The following CSMD1 variants were observed in gnomAD, a reference collection of about 807,000 sequenced individuals.
CSMD1 encodes CUB and Sushi multiple domains 1, also known as CUB and sushi domain-containing protein 1.
A neutral mutation model predicts 417.5 loss-of-function variants in CSMD1; 213 were observed. The observed-to-expected ratio is 0.51, with a 90% CI of 0.46 to 0.57. The LOEUF is 0.57. Ranked by LOEUF, CSMD1 falls within the 20% of genes least tolerant of loss-of-function variation. The pLI, the probability that CSMD1 is intolerant of heterozygous loss-of-function variation, is 0.00. For missense variants in CSMD1, 6,923 were observed against 4,529.7 expected (o/e 1.53, Z -15.17); for synonymous variants, 2,862 against 1,736.8 (o/e 1.65, Z -16.11).
chr8:3,800,532 G>A (rs896059837), intron 5 of CSMD1, among the ~76,000 whole-genome samples: 6 of 152,100 alleles, frequency 3.9e-5, no homozygotes, highest in African/African-American at 1.4e-4. Context: ...TCTCAAAGGA[G>A]ATCATAGAGG....
intron 2 of CSMD1, among the ~76,000 whole-genome samples, chr8:4,636,205 T>G (rs1394531425): frequency 6.6e-6 from 1 of 152,148 alleles, no homozygotes; most frequent in Non-Finnish European, 1.5e-5. Flanking sequence ...TTAATTTTGT[T>G]AGGAAAATCT....
chr8:4,355,951 A>G (rs1584948971), intron 3 of CSMD1, among the ~76,000 whole-genome samples: 1 of 151,952 alleles, frequency 6.6e-6, no homozygotes, highest in African/African-American at 2.4e-5. Context: ...GTAGAATTGC[A>G]TTTTTTTATG....
chr8:3,439,310 T>TATATATA (rs1491240170), intron 12 of CSMD1, among the ~76,000 whole-genome samples: 13 of 20,096 alleles, frequency 6.5e-4, no homozygotes, highest in South Asian at 2.0e-3. Flanking sequence ...TATATATATA[T>TATATATA]TTTTTTTTTT....
At position 3,735,640 on chromosome 8, in the gene CSMD1, G is replaced by GC. The variant is rs1563324338; in HGVS notation, c.931+18289dup. Among the ~76,000 whole-genome samples, 3 of 152,250 alleles carry GC rather than the reference G, an allele frequency of 2.0e-5. No homozygotes were observed. In the South Asian group the frequency reaches 6.2e-4, roughly 32 times the overall value. ...CACAGGTAAGTCTGAATCTCTTGGT[G>GC]CCCTGGTTCACTCGGCTGAGAAATG... On this transcript the variant is annotated intron_variant, in intron 6 of 69. Transcript: ENST00000635120.
At chr8:4,955,868 C>T (rs1585403347) in intron 1 of CSMD1, among the ~76,000 whole-genome samples, 1 of 147,094 alleles carries the variant, frequency 6.8e-6, no homozygotes, top group Non-Finnish European at 1.5e-5. Flanking sequence ...GTATCTTTCC[C>T]CTCTAGAAAG....
At chr8:4,096,252 C>T (rs1246372110) in intron 3 of CSMD1, among the ~76,000 whole-genome samples, 2 of 152,050 alleles carry the variant, frequency 1.3e-5, no homozygotes, top group East Asian at 1.9e-4. Flanking sequence ...ACTTTCCCTG[C>T]TAGCTCTTGA....
At chr8:4,751,495 G>C (rs990479121) in intron 1 of CSMD1, among the ~76,000 whole-genome samples, 6 of 152,120 alleles carry the variant, frequency 3.9e-5, no homozygotes, top group African/African-American at 1.2e-4. Flanking sequence ...TGGATTTTGT[G>C]GAATCATGAG....
Position 4,592,753 on chromosome 8 carries a change from G to A in CSMD1, c.302+44589C>T, listed in dbSNP as rs138417992. Among the ~76,000 whole-genome samples the A allele has an allele frequency of 5.9e-3, 900 of 152,004 alleles. 53 individuals carry two copies. The East Asian group carries it at 0.14, about 23-fold the overall frequency. ...AAATGTGTGCTAAATTTTTATCTAC[G>A]AATTTTAATATTTATACTTAGTTAA... On this transcript the variant is annotated intron_variant, in intron 2 of 69. Coordinates refer to ENST00000635120, the MANE Select transcript of CSMD1 (RefSeq NM_033225.6).
intron 3 of CSMD1, among the ~76,000 whole-genome samples, chr8:4,079,287 C>G (rs1157235480): frequency 2.0e-5 from 3 of 152,094 alleles, no homozygotes; most frequent in African/African-American, 4.8e-5. Flanking sequence ...AAGTACTGTA[C>G]CATGAGCAGA....
At chr8:3,360,914 C>A (rs2117719295) in intron 20 of CSMD1, among the ~76,000 whole-genome samples, 1 of 151,558 alleles carries the variant, frequency 6.6e-6, no homozygotes, top group South Asian at 2.1e-4. Flanking sequence ...AGATCTCATA[C>A]CTGCACTTTT....
chr8:3,616,656 T>C (rs980649212), intron 8 of CSMD1, 54 bp downstream of exon 8: 3 of 1,156,196 alleles, frequency 2.6e-6, no homozygotes, highest in Non-Finnish European at 3.8e-6. Context: ...CAAGCTGAAA[T>C]AATATATGTC....
At position 3,709,680 on chromosome 8, in the gene CSMD1, G is replaced by GTTTTTTTTTTTTTTTTTTTT. The variant is rs56272726; in HGVS notation, c.932-1209_932-1190dup. 6.8e-3 allele frequency among the ~76,000 whole-genome samples: 230 copies of GTTTTTTTTTTTTTTTTTTTT among 33,644 alleles called. 55 individuals are homozygous for GTTTTTTTTTTTTTTTTTTTT. The highest frequency in any genetic ancestry group is 9.0e-3 in the Non-Finnish European group (158 of 17,508). The allele number at this position is 33,644 out of a possible 152,430, so 22.1% of individuals were successfully genotyped here. ...GATGGGCTTTAAATTGCAGCAGCAT[G>GTTTTTTTTTTTTTTTTTTTT]TTTTTTTTTTTTTTTTTTTTTTTTT... On this transcript the variant is annotated intron_variant, in intron 6 of 69. Transcript: ENST00000635120.
chr8:3,997,849 A>T, intron 5 of CSMD1, 54 bp downstream of exon 5: 10 of 1,391,984 alleles, frequency 7.2e-6, no homozygotes, highest in Non-Finnish European at 9.6e-6. Context: ...CGTTGGGGGA[A>T]AAAACGGGGA....
At chr8:4,919,035 G>A (rs1037777419) in intron 1 of CSMD1, among the ~76,000 whole-genome samples, 9 of 152,170 alleles carry the variant, frequency 5.9e-5, no homozygotes, top group African/African-American at 1.7e-4. Flanking sequence ...GTGCAGGGAC[G>A]AATGTAACAG....
chr8:4,957,029 G>C (rs1809161286), intron 1 of CSMD1, among the ~76,000 whole-genome samples: 1 of 152,228 alleles, frequency 6.6e-6, no homozygotes. Flanking sequence ...AGAAATGTGA[G>C]AAGAAATTCA....
intron 2 of CSMD1, among the ~76,000 whole-genome samples, chr8:4,621,020 T>C (rs956030277): frequency 6.6e-6 from 1 of 151,966 alleles, no homozygotes; most frequent in Non-Finnish European, 1.5e-5. Flanking sequence ...ATCAGCAATA[T>C]CAAAAATGAA....
At chr8:4,251,306 GA>G (rs1315731318) in intron 3 of CSMD1, among the ~76,000 whole-genome samples, 1 of 152,190 alleles carries the variant, frequency 6.6e-6, no homozygotes, top group East Asian at 1.9e-4. Flanking sequence ...TGTATTACAA[GA>G]ATGTCATAGT....
chr8:4,839,248 T>TA (rs1469415565), intron 1 of CSMD1, among the ~76,000 whole-genome samples: 1 of 152,168 alleles, frequency 6.6e-6, no homozygotes, highest in African/African-American at 2.4e-5. Flanking sequence ...CCACCTAACT[T>TA]CAGTCTCCCA....
chr8:3,290,144 C>T (rs187247622), intron 25 of CSMD1, among the ~76,000 whole-genome samples: 20,304 of 144,848 alleles, frequency 0.14, 2,302 homozygotes, highest in African/African-American at 0.24. Flanking sequence ...TGTAGATATG[C>T]AGCATTATTT....
Sources: allele counts gnomAD v4.1 joint callset (sites outside exome capture counted in the v4.1 genomes callset), GRCh38; gene constraint gnomAD v4.1.1; transcripts MANE v1.5; gene names NCBI Gene and HGNC (gene_info 2026-07-23, HGNC 2026-07-21).